The following ZNF184 variants were observed in gnomAD, a reference collection of about 807,000 sequenced individuals.
The protein encoded by ZNF184 is zinc finger protein 184.
In ZNF184, 16 loss-of-function variants were observed where a neutral mutation model predicts 54.4. The observed-to-expected ratio is 0.29, with a 90% confidence interval of 0.20 to 0.45. ZNF184 has a LOEUF of 0.45. Among genes scored for constraint, ZNF184 ranks in the 20% least tolerant of loss-of-function variants. The pLI, the probability that ZNF184 is intolerant of heterozygous loss-of-function variation, is 1.00. For synonymous variants in ZNF184, 254 were observed against 295.3 expected (o/e 0.86, Z 1.43); for missense variants, 681 against 888.2 (o/e 0.77, Z 2.97).
Position 27,452,690 on chromosome 6 carries a change from C to T in ZNF184, c.869G>A (p.Gly290Asp). 3 of 1,613,938 alleles carry T rather than the reference C, an allele frequency of 1.9e-6. No homozygotes were observed. The highest frequency in any genetic ancestry group is 2.5e-6 in the Non-Finnish European group (3 of 1,179,988). Residue 290 changes from glycine (G) to aspartate (D), a missense_variant, in exon 6 of 6, where the codon GGT becomes GAT. By Grantham distance (94) the Gly-to-Asp change is moderately conservative (BLOSUM62 -1). Transcript: ENST00000683788. This position sits in a 1 kb window ranked among gnomAD's most constrained non-coding sequence, Gnocchi z 5.5. ...CDQCGKGFIEGPSLTQHQRIH... is the reference protein window; with the variant it reads ...CDQCGKGFIEDPSLTQHQRIH... ...TCTTTGATGTTGAGTAAGAGATGGA[C>T]CCTCAATGAAGCCTTTTCCACACTG...
At chr6:27,426,453 C>A in the ZNF184 span, among the ~76,000 whole-genome samples, 214 of 152,254 alleles carry the variant, frequency 1.4e-3, 1 homozygote, top group African/African-American at 4.9e-3. The surrounding 1 kb of genome is among the most constrained non-coding windows in gnomAD (Gnocchi z 4.2). Flanking sequence ...AGGTGCCTGC[C>A]ATCTGCTCCC....
At chr6:27,405,489 C>G in the ZNF184 span, 1 of 152,242 alleles carries the variant, frequency 6.6e-6, no homozygotes, top group Non-Finnish European at 1.5e-5. Flanking sequence ...GGAAGAACAC[C>G]CTTTCTAACA....
At chr6:27,439,296 C>T in the ZNF184 span, among the ~76,000 whole-genome samples, 3 of 151,996 alleles carry the variant, frequency 2.0e-5, no homozygotes, top group Non-Finnish European at 4.4e-5. Context: ...AACTACTGTT[C>T]GAAAATATTA....
At chr6:27,436,909 T>C in the ZNF184 span, among the ~76,000 whole-genome samples, 1 of 152,176 alleles carries the variant, frequency 6.6e-6, no homozygotes, top group Non-Finnish European at 1.5e-5. Context: ...TGGGTACCTT[T>C]GGAGGCACAA....
At chr6:27,423,639 A>AAAACC in the ZNF184 span, among the ~76,000 whole-genome samples, 1 of 96,188 alleles carries the variant, frequency 1.0e-5, no homozygotes, top group African/African-American at 3.3e-5. Flanking sequence ...GAAAAGCCAA[A>AAAACC]AAAACAAAAA....
At position 27,453,086 on chromosome 6, in the gene ZNF184, T is replaced by C. The variant is rs1447223915; in HGVS notation, c.473A>G (p.Gln158Arg). ...GSLERQQANQ[Q>R]TLPKEIKVTE... ...TACCTTTATTTCCTTTGGCAGTGTC[T>C]GTTGGTTTGCCTGCTGTCTCTCTAA... Residue 158 changes from glutamine to arginine, a missense_variant, in exon 6 of 6, where the codon CAG (glutamine) becomes CGG (arginine). Transcript: ENST00000683788. This position sits in a 1 kb window ranked among gnomAD's most constrained non-coding sequence, Gnocchi z 4.7. The C allele has an allele frequency of 6.2e-7, 1 of 1,614,134 alleles. No individual in the cohort carries two copies. Among genetic ancestry groups the C allele is most frequent in the African/African-American group, 1.3e-5 (1 of 75,054 alleles).
the ZNF184 span, chr6:27,404,277 A>G: frequency 6.6e-6 from 1 of 152,220 alleles, no homozygotes; most frequent in African/African-American, 2.4e-5. Context: ...AAGCTTTTCT[A>G]ATACTTAGAA....
At chr6:27,430,450 G>A in the ZNF184 span, among the ~76,000 whole-genome samples, 1 of 151,440 alleles carries the variant, frequency 6.6e-6, no homozygotes, top group East Asian at 2.0e-4. Context: ...AGATAAGGAG[G>A]TTATCCTGGT....
chr6:27,415,601 A>C, the ZNF184 span, among the ~76,000 whole-genome samples: 1 of 152,176 alleles, frequency 6.6e-6, no homozygotes, highest in African/African-American at 2.4e-5. Context: ...GCCAAGGTCT[A>C]CCATATACTT....
the ZNF184 span, among the ~76,000 whole-genome samples, chr6:27,434,329 A>G: frequency 4.6e-5 from 7 of 152,308 alleles, no homozygotes; most frequent in Admixed American, 2.0e-4. Flanking sequence ...CATACTAGCT[A>G]ACACTTGCTA....
intron 3 of ZNF184, among the ~76,000 whole-genome samples, chr6:27,463,523 T>C (rs1354270612): frequency 6.6e-6 from 1 of 152,044 alleles, no homozygotes; most frequent in African/African-American, 2.4e-5. Context: ...ATTGGAGTAC[T>C]GGGGCAGGAG....
chr6:27,463,058 TAA>T (rs755524386), intron 3 of ZNF184, among the ~76,000 whole-genome samples: 4 of 56,662 alleles, frequency 7.1e-5, no homozygotes, highest in Admixed American at 4.9e-4. Context: ...GAAAGACATT[TAA>T]AAAAAAAAAA....
At chr6:27,410,830 C>A in the ZNF184 span, among the ~76,000 whole-genome samples, 5 of 152,142 alleles carry the variant, frequency 3.3e-5, no homozygotes, top group African/African-American at 1.2e-4. Context: ...CTGCCCCCAG[C>A]TATGGGAGGT....
chr6:27,429,315 A>G, the ZNF184 span, among the ~76,000 whole-genome samples: 74 of 152,270 alleles, frequency 4.9e-4, 1 homozygote, highest in Non-Finnish European at 4.9e-4. Flanking sequence ...TGTTGTATTC[A>G]TCATATTGGC....
In ZNF184 at chr6:27,453,385, G is replaced by T; in HGVS notation, c.299-125C>A. On this transcript the variant is annotated intron_variant, in intron 5 of 5. Transcript: ENST00000683788. The surrounding 1 kb of genome is among the most constrained non-coding windows in gnomAD (Gnocchi z 4.7). ...AATTCTAATGGTTTTCAAATATATA[G>T]CCATATTATTTGGGGAGAAAGTTGG... The T allele has an allele frequency of 1.0e-6, 1 of 992,318 alleles. No individual in the cohort carries two copies. The highest frequency in any genetic ancestry group is 1.4e-6 in the Non-Finnish European group (1 of 723,470). 61.5% of individuals were successfully genotyped at this position (992,318 alleles called of 1,614,324 possible).
chr6:27,467,885 C>T lies in ZNF184; in HGVS notation c.43G>A (p.Gly15Arg). Residue 15 changes from glycine (G) to arginine (R), a missense_variant, in exon 3 of 6, where the codon GGA (glycine) becomes AGA (arginine). Physicochemically the swap from Gly to Arg is moderately radical, Grantham distance 125. Transcript: ENST00000683788. ...CTGGCTGATGAGAGTAGATTATGTC[C>T]CCCTTGGAGAAGGGTGGAGTCTGGA... ...SSPDSTLLQG[G>R]HNLLSSASFQ... 1.2e-6 allele frequency: 2 copies of T among 1,611,814 alleles called. No homozygotes were observed. The highest frequency in any genetic ancestry group is 1.7e-5 in the Admixed American group (1 of 59,682).
At position 27,452,684 on chromosome 6, in the gene ZNF184, G is replaced by A. The variant is rs1561835732; in HGVS notation, c.875C>T (p.Ser292Phe). 2 of 1,613,942 alleles carry A rather than the reference G, an allele frequency of 1.2e-6. No individual in the cohort carries two copies. The highest frequency in any genetic ancestry group is 1.7e-6 in the Non-Finnish European group (2 of 1,179,962). ...QCGKGFIEGP[S>F]LTQHQRIHTG... ...ATGAATTCTTTGATGTTGAGTAAGA[G>A]ATGGACCCTCAATGAAGCCTTTTCC... is the stretch of plus-strand genomic sequence containing the variant. The change falls in exon 6 of 6, where the codon TCT (serine) becomes TTT (phenylalanine). Residue 292 changes from serine to phenylalanine, a missense_variant. Physicochemically the swap from Ser to Phe is radical, Grantham distance 155 (BLOSUM62 -2). Coordinates refer to ENST00000683788, the MANE Select transcript of ZNF184 (RefSeq NM_001318891.2). This position sits in a 1 kb window ranked among gnomAD's most constrained non-coding sequence, Gnocchi z 5.5.
chr6:27,456,078 C>T (rs916262327), intron 5 of ZNF184, among the ~76,000 whole-genome samples: 8 of 151,766 alleles, frequency 5.3e-5, no homozygotes, highest in African/African-American at 1.7e-4. Flanking sequence ...GGCAACATGG[C>T]GAAACCGTGT....
intron 3 of ZNF184, among the ~76,000 whole-genome samples, chr6:27,462,510 T>C (rs1189254325): frequency 3.3e-5 from 5 of 151,126 alleles, no homozygotes; most frequent in African/African-American, 9.7e-5. Context: ...GAATATTTTA[T>C]ATGAATATAA....
Sources: gnomAD v4.1 joint callset for allele counts (sites outside exome capture counted in the v4.1 genomes callset) on GRCh38, gnomAD v4.1.1 for gene constraint, Gnocchi (gnomAD v3.1) non-coding constraint, MANE v1.5 for transcripts, NCBI Gene and HGNC (gene_info 2026-07-23, HGNC 2026-07-21) for gene names.